The following PARD3B variants were observed in gnomAD, a reference collection of about 807,000 sequenced individuals.
PARD3B encodes the protein par-3 family cell polarity regulator beta.
A neutral mutation model predicts 130.2 loss-of-function variants in PARD3B; 103 were observed. That is an observed-to-expected ratio of 0.79 (90% CI 0.67 to 0.93). PARD3B has a LOEUF of 0.93. Among genes scored for constraint, PARD3B ranks in the 40% least tolerant of loss-of-function variants. The pLI is 0.00. For synonymous variants in PARD3B, 583 were observed against 553.2 expected, an observed-to-expected ratio of 1.05 and a Z score of -0.76; for missense variants, 1,609 against 1,499.2, an observed-to-expected ratio of 1.07 and a Z score of -1.21.
intron 4 of PARD3B, among the ~76,000 whole-genome samples, chr2:205,104,213 T>C (rs1315987620): frequency 6.6e-6 from 1 of 152,184 alleles, no homozygotes; most frequent in African/African-American, 2.4e-5. Context: ...ATTGTGTAGA[T>C]GACCCATTTG....
chr2:205,095,618 C>T (rs1482540815), intron 4 of PARD3B, among the ~76,000 whole-genome samples: 8 of 152,028 alleles, frequency 5.3e-5, no homozygotes, highest in Non-Finnish European at 5.9e-5. Flanking sequence ...TGTGTTTGGT[C>T]CACTCAAATC....
At chr2:205,502,845 G>A (rs1370927803) in intron 21 of PARD3B, among the ~76,000 whole-genome samples, 1 of 151,752 alleles carries the variant, frequency 6.6e-6, no homozygotes, top group Non-Finnish European at 1.5e-5. Context: ...TTCTTTGGCT[G>A]GCCCTGGACT....
At chr2:204,631,441 G>A (rs2034677774) in intron 1 of PARD3B, among the ~76,000 whole-genome samples, 1 of 151,812 alleles carries the variant, frequency 6.6e-6, no homozygotes, top group South Asian at 2.1e-4. Flanking sequence ...GTAGAGATGG[G>A]GTTTCACCAT....
intron 16 of PARD3B, among the ~76,000 whole-genome samples, chr2:205,248,239 G>T (rs965627800): frequency 6.6e-6 from 1 of 151,874 alleles, no homozygotes; most frequent in African/African-American, 2.4e-5. Flanking sequence ...CACAGAGCCT[G>T]GCCACTCCCC....
chr2:204,585,210 C>T (rs541609123), intron 1 of PARD3B, among the ~76,000 whole-genome samples: 24 of 152,336 alleles, frequency 1.6e-4, no homozygotes, highest in Non-Finnish European at 2.5e-4. Context: ...GTGTGGTTTC[C>T]TTCAGGACAA....
rs1373287529 is a variant in PARD3B at position 205,421,916 on chromosome 2, T to C, written c.2742-18454T>C. Among the ~76,000 whole-genome samples, 1 of 152,226 alleles carries C rather than the reference T, an allele frequency of 6.6e-6. No individual in the cohort carries two copies. Among genetic ancestry groups the C allele is most frequent in the African/African-American group, 2.4e-5 (1 of 41,464 alleles). ...CTTGGCCTTCTCTCTCAGACCTTGC[T>C]TTGTCTGTTTCCATCATCACATTAT... On this transcript the variant is annotated intron_variant, in intron 19 of 22. Coordinates refer to ENST00000406610, the MANE Select transcript of PARD3B (RefSeq NM_001302769.2). This position sits in a 1 kb window ranked among gnomAD's most constrained non-coding sequence, Gnocchi z 5.1.
intron 1 of PARD3B, among the ~76,000 whole-genome samples, chr2:204,659,507 T>C (rs982823074): frequency 2.6e-5 from 4 of 152,066 alleles, no homozygotes; most frequent in African/African-American, 9.7e-5. Context: ...GGTACACAAG[T>C]GTGTGAGTTG....
In PARD3B at chr2:205,229,415, T is replaced by C. The variant is rs146785401; in HGVS notation, c.2141-16363T>C. On this transcript the variant is annotated intron_variant, in intron 15 of 22. Coordinates refer to ENST00000406610, the MANE Select transcript of PARD3B (RefSeq NM_001302769.2). This position sits in a 1 kb window ranked among gnomAD's most constrained non-coding sequence, Gnocchi z 5.2. ...CTCTTACAGACTTGTAGAGGTGCCA[T>C]GTTGGTGGTCTTGGATAAGATCTGG... Among the ~76,000 whole-genome samples, 1 of 152,178 alleles carries C rather than the reference T, an allele frequency of 6.6e-6. No homozygotes were observed. The highest frequency in any genetic ancestry group is 1.5e-5 in the Non-Finnish European group (1 of 68,022).
intron 2 of PARD3B, among the ~76,000 whole-genome samples, chr2:204,946,706 T>C (rs1234643950): frequency 6.6e-6 from 1 of 152,152 alleles, no homozygotes; most frequent in Non-Finnish European, 1.5e-5. Context: ...TTGGCTCACA[T>C]GATTAGGGAA....
intron 2 of PARD3B, among the ~76,000 whole-genome samples, chr2:204,824,426 T>G (rs1019688454): frequency 6.6e-6 from 1 of 152,188 alleles, no homozygotes; most frequent in African/African-American, 2.4e-5. Flanking sequence ...ATCTTCTTGC[T>G]TCTTTAGGAA....
At chr2:204,646,946 A>C (rs1232781998) in intron 1 of PARD3B, among the ~76,000 whole-genome samples, 2 of 152,060 alleles carry the variant, frequency 1.3e-5, no homozygotes, top group Non-Finnish European at 2.9e-5. Context: ...ATCTATTACA[A>C]ATTCTATTTT....
In PARD3B at chr2:205,412,766, G is replaced by T. The variant is rs376443489; in HGVS notation, c.2741+11643G>T. Among the ~76,000 whole-genome samples the T allele has an allele frequency of 1.3e-4, 20 of 152,232 alleles. No individual in the cohort carries two copies. The South Asian group carries it at 4.1e-3, about 32-fold the overall frequency. ...TTTCTGCTGTCTGGAATGCTCTTCT[G>T]TCTGAGTTGGTCCGAATGAATGGAA... On this transcript the variant is annotated intron_variant, in intron 19 of 22. Coordinates refer to ENST00000406610, the MANE Select transcript of PARD3B (RefSeq NM_001302769.2).
Position 204,686,164 on chromosome 2 carries a change from T to C in PARD3B, c.121-17T>C, listed in dbSNP as rs750574892. ...AACATAGATTAGGTCATTAAACTTGTGTTTGTTCTACTATAGGGTCCTGGT... is the reference window on the plus strand; with the variant it reads ...AACATAGATTAGGTCATTAAACTTGCGTTTGTTCTACTATAGGGTCCTGGT... On this transcript the variant is annotated splice_polypyrimidine_tract_variant and intron_variant, in intron 1 of 22. Coordinates refer to ENST00000406610, the MANE Select transcript of PARD3B (RefSeq NM_001302769.2). 6.5e-7 allele frequency: 1 copy of C among 1,528,612 alleles called. No individual in the cohort carries two copies. The allele number at this position is 1,528,612 out of a possible 1,614,324, so 94.7% of individuals were successfully genotyped here.
At chr2:205,204,630 A>T (rs1177109255) in intron 15 of PARD3B, among the ~76,000 whole-genome samples, 1 of 151,962 alleles carries the variant, frequency 6.6e-6, no homozygotes, top group Non-Finnish European at 1.5e-5. Context: ...TTTTGTAAAA[A>T]ATATAAGGAA....
rs550528879 is a variant in PARD3B at position 204,755,220 on chromosome 2, C to T, written c.222+68938C>T. On this transcript the variant is annotated intron_variant, in intron 2 of 22. Coordinates refer to ENST00000406610, the MANE Select transcript of PARD3B (RefSeq NM_001302769.2). Reference sequence around the variant, plus strand: ...ATAATTTAGGGGAAGCTCCTAACTACGGAAATGTGTGAATAGGAAGTATGG... The same window carrying T: ...ATAATTTAGGGGAAGCTCCTAACTATGGAAATGTGTGAATAGGAAGTATGG... Among the ~76,000 whole-genome samples the T allele has an allele frequency of 2.6e-5, 4 of 151,984 alleles. No individual in the cohort carries two copies. In the East Asian group the frequency reaches 5.8e-4, roughly 22 times the overall value.
At position 205,465,420 on chromosome 2, in the gene PARD3B, G is replaced by A. The variant is rs191177932; in HGVS notation, c.3044+24748G>A. 1.1e-3 allele frequency among the ~76,000 whole-genome samples: 174 copies of A among 152,258 alleles called. 1 individual carries two copies. The highest frequency in any genetic ancestry group is 4.0e-3 in the African/African-American group (166 of 41,550). ...GTACGCCTGAATAAAGAGCCTAGAC[G>A]TTTAACCACTGTGCTATGCTGACTA... is the stretch of plus-strand genomic sequence containing the variant. On this transcript the variant is annotated intron_variant, in intron 20 of 22. Coordinates refer to ENST00000406610, the MANE Select transcript of PARD3B (RefSeq NM_001302769.2).
chr2:204,953,785 G>A (rs146063502), intron 2 of PARD3B, among the ~76,000 whole-genome samples: 14 of 152,274 alleles, frequency 9.2e-5, no homozygotes, highest in East Asian at 7.7e-4. Context: ...GTTATTTGCC[G>A]TAATAATTAT....
At chr2:205,023,981 C>A (rs917566631) in intron 3 of PARD3B, among the ~76,000 whole-genome samples, 2 of 151,948 alleles carry the variant, frequency 1.3e-5, no homozygotes, top group Non-Finnish European at 2.9e-5. Flanking sequence ...GAGAAAATCC[C>A]TTAACTCTTG....
At chr2:205,044,193 T>G (rs1323291008) in intron 3 of PARD3B, among the ~76,000 whole-genome samples, 1 of 151,668 alleles carries the variant, frequency 6.6e-6, no homozygotes, top group Non-Finnish European at 1.5e-5. Context: ...ATTTTCTTAA[T>G]CCAGTCTATC....
Sources: gnomAD v4.1 joint callset for allele counts (sites outside exome capture counted in the v4.1 genomes callset) on GRCh38, gnomAD v4.1.1 for gene constraint, Gnocchi (gnomAD v3.1) non-coding constraint, MANE v1.5 for transcripts, NCBI Gene and HGNC (gene_info 2026-07-23, HGNC 2026-07-21) for gene names.